The following TRIM16 variants were observed in gnomAD, a reference collection of about 807,000 sequenced individuals.
TRIM16 encodes tripartite motif containing 16, also known as tripartite motif-containing protein 16.
In TRIM16, 33 loss-of-function variants were observed where a neutral mutation model predicts 50.4. The ratio of observed to expected loss-of-function variants is 0.65; its 90% CI spans 0.50 to 0.88. The LOEUF is 0.88. TRIM16 is among the 40% of genes least tolerant of loss of function. TRIM16 has a pLI of 0.00. For synonymous variants in TRIM16, 229 were observed against 270.7 expected (o/e 0.85, Z 1.51); for missense variants, 581 against 686.8 (o/e 0.85, Z 1.72).
At chr17:15,637,146 A>C (rs1463991632) in intron 8 of TRIM16, among the ~76,000 whole-genome samples, 1 of 117,676 alleles carries the variant, frequency 8.5e-6, no homozygotes, top group Non-Finnish European at 1.8e-5. Context: ...CCGCCCGGCC[A>C]GCCGCCCCAT....
At chr17:15,669,757 A>G (rs1055672454) in intron 6 of TRIM16, among the ~76,000 whole-genome samples, 1 of 152,274 alleles carries the variant, frequency 6.6e-6, no homozygotes, top group Non-Finnish European at 1.5e-5. Context: ...ATACTGCCAC[A>G]GTAAATTGGT....
intron 7 of TRIM16, among the ~76,000 whole-genome samples, chr17:15,648,244 A>AC (rs1567676601): frequency 3.4e-5 from 5 of 146,392 alleles, no homozygotes; most frequent in East Asian, 4.0e-4. Context: ...AAAAAAACAA[A>AC]AAACAAACAA....
intron 6 of TRIM16, among the ~76,000 whole-genome samples, chr17:15,673,407 C>T (rs1483898902): frequency 1.3e-5 from 2 of 152,178 alleles, no homozygotes; most frequent in East Asian, 1.9e-4. Context: ...GCTGTACTAA[C>T]ACCGACTTCT....
intron 6 of TRIM16, among the ~76,000 whole-genome samples, chr17:15,666,044 C>T (rs891995605): frequency 5.9e-5 from 9 of 152,132 alleles, no homozygotes; most frequent in African/African-American, 2.2e-4. Flanking sequence ...AACCCATGTC[C>T]ATACCATCAC....
At chr17:15,680,088 A>G (rs993546213) in intron 4 of TRIM16, among the ~76,000 whole-genome samples, 2 of 152,196 alleles carry the variant, frequency 1.3e-5, no homozygotes, top group African/African-American at 4.8e-5. Flanking sequence ...AGGAATCAGT[A>G]TCTTGCTTTG....
intron 6 of TRIM16, among the ~76,000 whole-genome samples, chr17:15,657,541 T>G (rs1988034237): frequency 1.3e-5 from 2 of 152,182 alleles, no homozygotes; most frequent in South Asian, 4.1e-4. Context: ...TAACTCCTCA[T>G]TCCCTCTCCC....
rs1443323500 is a variant in TRIM16, at chr17:15,651,116, AG to A, written c.493del (p.Leu165TrpfsTer17). On this transcript the variant is annotated frameshift_variant, in exon 7 of 12. Transcript: ENST00000649191. LOFTEE classifies it high-confidence loss of function. The stretch of plus-strand genomic sequence containing the variant: ...CTCCTTGTCCCTGCGGGCTGCATCC[AG>A]GGAGACTATGGTGTGGCCACTGTGC... Reference protein sequence around the residue: ...QEHSGHTIVSLDAARRDKEAE... With the variant: ...QEHSGHTIVSXDAARRDKEAE... The A allele has an allele frequency of 6.2e-7, 1 of 1,612,938 alleles. No individual in the cohort carries two copies.
In TRIM16 at chr17:15,651,475, C is replaced by T. The variant is rs1987701741; in HGVS notation, c.135G>A (p.Val45=). ...CCCTGCCAAGCTTCTCCGAGGAGCC[C>T]ACGTCCTCTTCTTCCACTGGGCTGG... ...GSASPVEEED[V]GSSEKLGRET... is the part of the protein sequence containing the mutation. Residue 45 remains valine, a synonymous_variant, in exon 7 of 12, where the codon GTG becomes GTA. Coordinates refer to ENST00000649191, the MANE Select transcript of TRIM16 (RefSeq NM_001348119.1). 1 of 1,611,600 alleles carries T rather than the reference C, an allele frequency of 6.2e-7. No individual in the cohort carries two copies. Among genetic ancestry groups the T allele is most frequent in the Non-Finnish European group, 8.5e-7 (1 of 1,178,518 alleles).
intron 7 of TRIM16, among the ~76,000 whole-genome samples, chr17:15,643,827 C>T (rs1374788284): frequency 6.6e-6 from 1 of 152,202 alleles, no homozygotes; most frequent in Non-Finnish European, 1.5e-5. Flanking sequence ...GGGTTGGAGC[C>T]AGATGGCCAA....
intron 1 of TRIM16, 187 bp from the exon 2 acceptor site, chr17:15,683,344 T>A (rs1420053611): frequency 1.9e-6 from 1 of 513,846 alleles, no homozygotes; most frequent in Non-Finnish European, 3.5e-6. Context: ...AGTACCTTTA[T>A]ACCACTAGGG....
chr17:15,680,994 T>G, intron 3 of TRIM16, 41 bp from the exon 4 acceptor site: 1 of 1,396,124 alleles, frequency 7.2e-7, no homozygotes, highest in Non-Finnish European at 9.6e-7. Context: ...TTTATCTTTA[T>G]GTATCTCAAA....
At chr17:15,640,168 C>A (rs1597615014) in intron 8 of TRIM16, among the ~76,000 whole-genome samples, 2 of 149,320 alleles carry the variant, frequency 1.3e-5, no homozygotes, top group South Asian at 4.4e-4. Context: ...CACCATTCCA[C>A]ACTGCCTCAA....
chr17:15,672,731 T>TCAAA (rs747176468), intron 6 of TRIM16, among the ~76,000 whole-genome samples: 56 of 152,040 alleles, frequency 3.7e-4, no homozygotes, highest in East Asian at 1.4e-3. Context: ...AAACCCTGTC[T>TCAAA]CAAACAAACA....
chr17:15,675,133 C>T (rs1988873861), intron 6 of TRIM16, among the ~76,000 whole-genome samples: 1 of 151,858 alleles, frequency 6.6e-6, no homozygotes, highest in Admixed American at 6.6e-5. Flanking sequence ...AAAATACACA[C>T]ATATACATAT....
intron 7 of TRIM16, among the ~76,000 whole-genome samples, chr17:15,645,563 A>C (rs1230460795): frequency 6.7e-6 from 1 of 149,750 alleles, no homozygotes; most frequent in Non-Finnish European, 1.5e-5. Flanking sequence ...AATATACAAA[A>C]AGAAAAAGAA....
At chr17:15,658,886 G>A in intron 6 of TRIM16, 1 of 985,340 alleles carries the variant, frequency 1.0e-6, no homozygotes, top group Non-Finnish European at 1.2e-6. Flanking sequence ...CCTAAAAGAA[G>A]AAGATGGCCT....
chr17:15,633,039 C>G lies in TRIM16; in HGVS notation c.850-365G>C, dbSNP rs564357626. 5.6e-5 allele frequency: 9 copies of G among 160,122 alleles called. No homozygotes were observed. The East Asian group carries it at 1.6e-3, about 29-fold the overall frequency. The allele number at this position is 160,122 out of a possible 1,614,324, so 9.9% of individuals were successfully genotyped here. ...TACTTGTTTTTTGACAATTTAAACA[C>G]AAGCCATGGTAGAAAATGGAGGAGC... On this transcript the variant is annotated intron_variant, in intron 9 of 11. Coordinates refer to ENST00000649191, the MANE Select transcript of TRIM16 (RefSeq NM_001348119.1).
rs779387833 is a variant in TRIM16, at chr17:15,651,091, C to T, written c.519G>A (p.Glu173=). The T allele has an allele frequency of 2.5e-6, 4 of 1,604,308 alleles. No individual in the cohort carries two copies. Among genetic ancestry groups the T allele is most frequent in the Non-Finnish European group, 3.4e-6 (4 of 1,174,578 alleles). The change falls in exon 7 of 12, where the codon GAG becomes GAA. Residue 173 remains glutamate, a splice_region_variant and synonymous_variant. Coordinates refer to ENST00000649191, the MANE Select transcript of TRIM16 (RefSeq NM_001348119.1). The stretch of plus-strand genomic sequence containing the variant: ...GGATGAATGGTCCCCAAGCACTCAC[C>T]TCCTTGTCCCTGCGGGCTGCATCCA... The part of the protein sequence containing the change: ...VSLDAARRDK[E]AELQCTQLDL...
chr17:15,656,613 C>T (rs1567681418), intron 6 of TRIM16, among the ~76,000 whole-genome samples: 1 of 152,086 alleles, frequency 6.6e-6, no homozygotes, highest in African/African-American at 2.4e-5. Flanking sequence ...TCCTGGCTGT[C>T]TTCTACAGCC....
Sources: allele counts gnomAD v4.1 joint callset (sites outside exome capture counted in the v4.1 genomes callset), GRCh38; gene constraint gnomAD v4.1.1; transcripts MANE v1.5; gene names NCBI Gene and HGNC (gene_info 2026-07-23, HGNC 2026-07-21).